TRMT1: variants seen among roughly 807,000 people sequenced by gnomAD.
The protein encoded by TRMT1 is tRNA (guanine(26)-N(2))-dimethyltransferase.
TRMT1 carries 63 observed loss-of-function variants against 75.4 expected under a neutral mutation model. The observed-to-expected ratio is 0.84, with a 90% CI of 0.68 to 1.03. The LOEUF is 1.03. Among genes scored for constraint, TRMT1 ranks in the 50% least tolerant of loss-of-function variants. TRMT1 has a pLI of 0.00. For missense variants in TRMT1, 870 were observed against 905.3 expected, an observed-to-expected ratio of 0.96 and a Z score of 0.50; for synonymous variants, 382 against 358.1, an observed-to-expected ratio of 1.07 and a Z score of -0.75.
chr19:13,109,514 G>A, intron 11 of TRMT1, 36 bp downstream of exon 11: 1 of 1,613,986 alleles, frequency 6.2e-7, no homozygotes. Flanking sequence ...ACGGGCACAG[G>A]TGGAGCCCCC....
Position 13,116,438 on chromosome 19 carries a change from C to CG in TRMT1, c.-32-8dup. ...GCGCCTCCGCCCGCCAAGCCTGGTT[C>CG]GGGGGGCGGGGGAGGGCACAGAGAG... On this transcript the variant is annotated splice_polypyrimidine_tract_variant and splice_region_variant and intron_variant, in intron 1 of 16. Transcript: ENST00000357720. 2.5e-6 allele frequency: 4 copies of CG among 1,576,302 alleles called. No homozygotes were observed. Among genetic ancestry groups the CG allele is most frequent in the East Asian group, 4.5e-5 (2 of 44,446 alleles).
intron 5 of TRMT1, among the ~76,000 whole-genome samples, chr19:13,114,805 C>T (rs879844036): frequency 1.3e-5 from 2 of 152,220 alleles, no homozygotes; most frequent in African/African-American, 4.8e-5. Context: ...CGTGCCACTG[C>T]ACTCCAGCCT....
chr19:13,106,206 C>T (rs191874619), intron 14 of TRMT1, among the ~76,000 whole-genome samples: 31 of 152,100 alleles, frequency 2.0e-4, no homozygotes, highest in East Asian at 1.8e-3. Flanking sequence ...GTAGCTGGGA[C>T]GACAGGCAGG....
chr19:13,105,836 T>C (rs916505103), intron 14 of TRMT1, among the ~76,000 whole-genome samples: 1 of 151,816 alleles, frequency 6.6e-6, no homozygotes, highest in African/African-American at 2.4e-5. Context: ...CTGAGGCGGG[T>C]GGATCACCTG....
intron 1 of TRMT1, 56 bp from the exon 2 acceptor site, chr19:13,116,487 C>A: frequency 6.7e-7 from 1 of 1,503,678 alleles, no homozygotes; most frequent in Admixed American, 2.1e-5. Context: ...CATTCCGGGC[C>A]CGGGGATGTC....
In TRMT1 at chr19:13,115,415, G is replaced by A. The variant is rs756246074; in HGVS notation, c.505C>T (p.Arg169Ter). Residue 169 changes from arginine (R) to a stop codon, truncating the protein, a stop_gained, in exon 5 of 17, where the codon CGA becomes TGA. Transcript: ENST00000357720. LOFTEE classifies it high-confidence loss of function. ...GLAASGLRSI[R>*]FALEVPGLRS... ...AGCCCAGGCACCTCTAGGGCAAATC[G>A]AATGGAACGTAGGCCTGAAGCTGCC... 4 of 1,613,956 alleles carry A rather than the reference G, an allele frequency of 2.5e-6. No homozygotes were observed. The highest frequency in any genetic ancestry group is 1.7e-5 in the Admixed American group (1 of 59,998).
chr19:13,109,085 G>GGTGTGTGTGTGTGTGT (rs57825932), intron 12 of TRMT1, among the ~76,000 whole-genome samples: 28 of 147,272 alleles, frequency 1.9e-4, no homozygotes, highest in African/African-American at 6.7e-4. Context: ...CAGGCTAATG[G>GGTGTGTGTGTGTGTGT]GTGTGTGTGT....
chr19:13,108,291 CTTAT>C (rs1176956217), intron 12 of TRMT1, among the ~76,000 whole-genome samples: 10 of 117,092 alleles, frequency 8.5e-5, no homozygotes, highest in Non-Finnish European at 1.3e-4. Flanking sequence ...GCCTGGCCTT[CTTAT>C]TTATTATTTT....
rs147085439 is a variant in TRMT1, at chr19:13,109,293, C to T, written c.1397+88G>A. The T allele has an allele frequency of 3.2e-4, 473 of 1,480,914 alleles. No homozygotes were observed. The African/African-American group carries it at 4.8e-3, about 15-fold the overall frequency. 91.7% of individuals were successfully genotyped at this position (1,480,914 alleles called of 1,614,324 possible). ...GTGCACCGGGTTCTCCCCACCCCCT[C>T]GCAAGTTCTATGCATGAGAATCCCT... On this transcript the variant is annotated intron_variant, in intron 12 of 16. Coordinates refer to ENST00000357720, the MANE Select transcript of TRMT1 (RefSeq NM_001136035.4).
At chr19:13,105,887 C>T (rs1221603176) in intron 14 of TRMT1, among the ~76,000 whole-genome samples, 1 of 152,064 alleles carries the variant, frequency 6.6e-6, no homozygotes, top group African/African-American at 2.4e-5. Context: ...CATGGTGAAA[C>T]CCCATCTCCA....
chr19:13,116,486 C>T lies in TRMT1; in HGVS notation c.-32-55G>A. The T allele has an allele frequency of 2.7e-6, 4 of 1,509,192 alleles. No homozygotes were observed. The South Asian group carries it at 3.8e-5, about 14-fold the overall frequency. The allele number at this position is 1,509,192 out of a possible 1,614,324, so 93.5% of individuals were successfully genotyped here. On this transcript the variant is annotated intron_variant, in intron 1 of 16. Coordinates refer to ENST00000357720, the MANE Select transcript of TRMT1 (RefSeq NM_001136035.4). ...GAGGGTCAGAGAGCCGCATTCCGGG[C>T]CCGGGGATGTCCTACATATCTATGA...
At chr19:13,108,263 A>G (rs553012521) in intron 12 of TRMT1, among the ~76,000 whole-genome samples, 1 of 150,516 alleles carries the variant, frequency 6.6e-6, no homozygotes, top group Non-Finnish European at 1.5e-5. Context: ...TGCTGGGATT[A>G]CAGGAGTGAG....
At chr19:13,115,974 C>T in intron 3 of TRMT1, 23 bp downstream of exon 3, 1 of 1,613,930 alleles carries the variant, frequency 6.2e-7, no homozygotes, top group Non-Finnish European at 8.5e-7. Flanking sequence ...CCCCGCCCAC[C>T]AGAAGCCTGG....
intron 9 of TRMT1, 33 bp from the exon 10 acceptor site, chr19:13,109,871 G>A (rs2019065558): frequency 1.2e-6 from 2 of 1,613,932 alleles, no homozygotes; most frequent in Admixed American, 1.7e-5. Flanking sequence ...TGGGGAGGGA[G>A]GAAAACCCTG....
intron 5 of TRMT1, 59 bp downstream of exon 5, chr19:13,115,220 C>A: frequency 6.5e-7 from 1 of 1,533,578 alleles, no homozygotes; most frequent in South Asian, 1.3e-5. Flanking sequence ...TGTGACAGAG[C>A]CAGAATTTGA....
chr19:13,114,427 G>A (rs1303868376), intron 5 of TRMT1, among the ~76,000 whole-genome samples: 3 of 152,090 alleles, frequency 2.0e-5, no homozygotes, highest in African/African-American at 7.2e-5. Context: ...ACCACTTTGG[G>A]AGGCCGAGGC....
rs2019053229 is a variant in TRMT1, at chr19:13,109,675, G to T, written c.1186C>A (p.Pro396Thr). ...TCATGGATGGGCTCTGCCCACATGG[G>T]GCCACCAAGCTGGGGGCGCACCGGG... is the stretch of plus-strand genomic sequence containing the variant. ...HCGQRHQLGG[P>T]MWAEPIHDLD... The change falls in exon 11 of 17, where the codon CCC becomes ACC. Residue 396 changes from proline to threonine, a missense_variant. By Grantham distance (38) the Pro-to-Thr change is conservative. Transcript: ENST00000357720. The T allele has an allele frequency of 1.2e-6, 2 of 1,613,836 alleles. No homozygotes were observed. The highest frequency in any genetic ancestry group is 1.7e-6 in the Non-Finnish European group (2 of 1,179,970).
chr19:13,107,366 C>T (rs1016145681), intron 14 of TRMT1, among the ~76,000 whole-genome samples: 2 of 150,926 alleles, frequency 1.3e-5, no homozygotes, highest in African/African-American at 2.4e-5. Context: ...TCTTGAACTC[C>T]TGACCTCAGG....
chr19:13,110,887 T>C (rs935383104), intron 7 of TRMT1, among the ~76,000 whole-genome samples: 3 of 152,064 alleles, frequency 2.0e-5, no homozygotes, highest in Non-Finnish European at 4.4e-5. Flanking sequence ...GAGGCGAAGG[T>C]TGCAGTTAGC....
Sources: gnomAD v4.1 joint callset for allele counts (sites outside exome capture counted in the v4.1 genomes callset) on GRCh38, gnomAD v4.1.1 for gene constraint, MANE v1.5 for transcripts, NCBI Gene and HGNC (gene_info 2026-07-23, HGNC 2026-07-21) for gene names.